Variants in DLG5 observed in about 807,000 individuals in gnomAD.
DLG5 encodes the protein discs large MAGUK scaffold protein 5.
A neutral mutation model predicts 189.8 loss-of-function variants in DLG5; 48 were observed. That is an observed-to-expected ratio of 0.25 (90% CI 0.20 to 0.32). The LOEUF (loss-of-function observed/expected upper bound fraction) is 0.32, where lower values mean the gene tolerates loss of function less well. DLG5 is among the 10% of genes least tolerant of loss of function. The probability of loss-of-function intolerance (pLI) is 1.00; values close to 1 mark genes in which losing one functional copy is unlikely to be tolerated. For missense variants in DLG5, 2,160 were observed against 2,544.7 expected (o/e 0.85, Z 3.25); for synonymous variants, 1,016 against 1,054.1 (o/e 0.96, Z 0.70).
chr10:77,818,393 G>A (rs146692310), intron 17 of DLG5, among the ~76,000 whole-genome samples: 14 of 152,292 alleles, frequency 9.2e-5, no homozygotes, highest in African/African-American at 3.1e-4. Context: ...TATGTAATGA[G>A]GTGACATCTC....
chr10:77,813,987 T>G (rs566340628), intron 20 of DLG5, among the ~76,000 whole-genome samples: 4 of 151,494 alleles, frequency 2.6e-5, no homozygotes, highest in Admixed American at 2.6e-4. Context: ...TTTTTCTTTC[T>G]TTTTTTTTGG....
At chr10:77,858,886 T>TG (rs1323758348) in intron 2 of DLG5, among the ~76,000 whole-genome samples, 5 of 152,266 alleles carry the variant, frequency 3.3e-5, no homozygotes, top group African/African-American at 1.2e-4. Context: ...TGTGTGTGTG[T>TG]TTTTTTGAGA....
intron 15 of DLG5, 92 bp downstream of exon 15, chr10:77,820,990 G>C: frequency 6.8e-7 from 1 of 1,476,608 alleles, no homozygotes; most frequent in South Asian, 1.4e-5. Context: ...ACAGGGGCCT[G>C]GGACACTGGT....
chr10:77,852,838 T>C (rs745793279), intron 5 of DLG5, among the ~76,000 whole-genome samples: 4 of 152,160 alleles, frequency 2.6e-5, no homozygotes, highest in Non-Finnish European at 4.4e-5. Context: ...CTGTCTGATA[T>C]AGAAATACAG....
upstream of DLG5, chr10:77,928,585 T>G (rs1222656514): frequency 6.6e-6 from 1 of 152,260 alleles, no homozygotes. Flanking sequence ...GCTTAAATCA[T>G]CTGCAAGGCA....
chr10:77,924,611 G>T (rs754192299), intron 1 of DLG5, among the ~76,000 whole-genome samples: 4 of 152,136 alleles, frequency 2.6e-5, no homozygotes, highest in Non-Finnish European at 5.9e-5. Flanking sequence ...AAATTACTTT[G>T]TTGAGATCCC....
intron 24 of DLG5, among the ~76,000 whole-genome samples, chr10:77,808,861 G>T (rs1248626): frequency 1.3e-5 from 2 of 152,098 alleles, no homozygotes; most frequent in East Asian, 3.9e-4. Flanking sequence ...TTGGGAGGCC[G>T]AGGCGGGTGG....
chr10:77,794,245 C>T (rs1840789703), intron 30 of DLG5, 128 bp from the exon 31 acceptor site: 3 of 755,054 alleles, frequency 4.0e-6, no homozygotes, highest in Non-Finnish European at 6.7e-6. Context: ...CCATGTGCTC[C>T]CCACATAAAG....
At chr10:77,837,315 T>C (rs1843194155) in intron 7 of DLG5, among the ~76,000 whole-genome samples, 1 of 151,162 alleles carries the variant, frequency 6.6e-6, no homozygotes, top group African/African-American at 2.4e-5. Context: ...TGTTTTACAA[T>C]ATATTTATGG....
In DLG5 at chr10:77,822,117, A is replaced by G. The variant is rs1242152710; in HGVS notation, c.2383-16T>C. 6.3e-7 allele frequency: 1 copy of G among 1,597,556 alleles called. No homozygotes were observed. Among genetic ancestry groups the G allele is most frequent in the South Asian group, 1.1e-5 (1 of 88,348 alleles). ...GAGGGAATACCTAGGCAGGGATTGC[A>G]GAGGAGTGAGAGAGAGAGTGAGATG... On this transcript the variant is annotated splice_polypyrimidine_tract_variant and intron_variant, in intron 14 of 31. Transcript: ENST00000372391.
chr10:77,901,098 G>C (rs1319751634), intron 1 of DLG5, among the ~76,000 whole-genome samples: 1 of 144,786 alleles, frequency 6.9e-6, no homozygotes. Flanking sequence ...CTGGGTGACA[G>C]AGTGAAACTC....
Position 77,806,912 on chromosome 10 carries a change from G to C in DLG5, c.4813C>G (p.Leu1605Val). 2 of 1,613,696 alleles carry C rather than the reference G, an allele frequency of 1.2e-6. No individual in the cohort carries two copies. The highest frequency in any genetic ancestry group is 1.7e-6 in the Non-Finnish European group (2 of 1,179,598). Residue 1605 changes from leucine (L) to valine (V), a missense_variant, in exon 26 of 32, where the codon CTG becomes GTG. Coordinates refer to ENST00000372391, the MANE Select transcript of DLG5 (RefSeq NM_004747.4). ...SFYIRALYDR[L>V]ADVEQELSFK... Reference sequence around the variant, plus strand: ...CTCAACTCTTGCTCCACATCTGCCAGCCGGTCGTACAGGGCCCTGGACCAC... The same window carrying C: ...CTCAACTCTTGCTCCACATCTGCCACCCGGTCGTACAGGGCCCTGGACCAC...
At chr10:77,817,185 T>A (rs1030043661) in intron 18 of DLG5, 89 bp from the exon 19 acceptor site, 1 of 1,215,110 alleles carries the variant, frequency 8.2e-7, no homozygotes, top group Non-Finnish European at 1.2e-6. Context: ...GTCAGGATAA[T>A]AAATGCAAAG....
intron 1 of DLG5, among the ~76,000 whole-genome samples, chr10:77,898,727 A>G (rs1292772766): frequency 6.6e-6 from 1 of 152,174 alleles, no homozygotes; most frequent in Non-Finnish European, 1.5e-5. Flanking sequence ...TGCCCCCTCC[A>G]TGGCCTGGCT....
intron 1 of DLG5, among the ~76,000 whole-genome samples, chr10:77,907,298 G>T (rs924180034): frequency 1.3e-5 from 2 of 152,144 alleles, no homozygotes; most frequent in African/African-American, 4.8e-5. Flanking sequence ...AAAATAACTG[G>T]GCCGGCGCGG....
At chr10:77,882,821 G>A (rs1353172689) in intron 1 of DLG5, among the ~76,000 whole-genome samples, 3 of 151,644 alleles carry the variant, frequency 2.0e-5, no homozygotes, top group Non-Finnish European at 2.9e-5. Context: ...TACTCGGGAG[G>A]GTGAGGCACG....
intron 27 of DLG5, among the ~76,000 whole-genome samples, chr10:77,799,046 G>T (rs929163186): frequency 6.6e-6 from 1 of 152,042 alleles, no homozygotes; most frequent in African/African-American, 2.4e-5. Context: ...CACACTATGG[G>T]GTACCAATTT....
Position 77,821,756 on chromosome 10 carries a change from C to T in DLG5, c.2728G>A (p.Val910Met), listed in dbSNP as rs559001389. 2.4e-5 allele frequency: 39 copies of T among 1,609,252 alleles called. No homozygotes were observed. The East Asian group carries it at 2.5e-4, about 10-fold the overall frequency. ...SGDRGFGLVDVRGRRPLLPFE... is the reference protein window; with the variant it reads ...SGDRGFGLVDMRGRRPLLPFE... ...GGCAGCAGTGGCCGCCGGCCACGCA[C>T]GTCCACCAGCCCAAAGCCACGGTCC... The change falls in exon 15 of 32, where the codon GTG becomes ATG. Residue 910 changes from valine to methionine, a missense_variant. Physicochemically the swap from Val to Met is conservative, Grantham distance 21. Around this residue, in one of 5 missense-constraint regions of DLG5, gnomAD observed 754 missense variants for 746.5 expected, o/e 1.01. Coordinates refer to ENST00000372391, the MANE Select transcript of DLG5 (RefSeq NM_004747.4).
At chr10:77,936,000 T>C in the DLG5 span, among the ~76,000 whole-genome samples, 1 of 152,230 alleles carries the variant, frequency 6.6e-6, no homozygotes, top group East Asian at 1.9e-4. Flanking sequence ...GAATGCTATA[T>C]CTATGAAATG....
Sources: allele counts gnomAD v4.1 joint callset (sites outside exome capture counted in the v4.1 genomes callset), GRCh38; gene constraint gnomAD v4.1.1; regional missense constraint gnomAD v4.1.1; transcripts MANE v1.5; gene names NCBI Gene and HGNC (gene_info 2026-07-23, HGNC 2026-07-21).